The following SPIDR variants were observed in gnomAD, a reference collection of about 807,000 sequenced individuals.
SPIDR encodes scaffold protein involved in DNA repair, also known as DNA repair-scaffolding protein.
Under a neutral mutation model 104.6 loss-of-function variants are expected in SPIDR, and 93 were observed. The ratio of observed to expected loss-of-function variants is 0.89; its 90% confidence interval spans 0.75 to 1.06. The LOEUF (loss-of-function observed/expected upper bound fraction) is 1.06, where lower values mean the gene tolerates loss of function less well. SPIDR is among the 50% of genes least tolerant of loss of function. The pLI, the probability that SPIDR is intolerant of heterozygous loss-of-function variation, is 0.00. For synonymous variants in SPIDR, 431 were observed against 416.9 expected (o/e 1.03, Z -0.41); for missense variants, 1,154 against 1,111.2 (o/e 1.04, Z -0.55).
rs573810121 is a variant in SPIDR, at chr8:47,571,262, A to T, written c.1098-24549A>T. On this transcript the variant is annotated intron_variant, in intron 8 of 19. Coordinates refer to ENST00000297423, the MANE Select transcript of SPIDR (RefSeq NM_001080394.4). ...TATCTACAGTTAATGTATATTTGACATTTGCTGAGAGAGTGGATCTTAAGT... is the reference window on the plus strand; with the variant it reads ...TATCTACAGTTAATGTATATTTGACTTTTGCTGAGAGAGTGGATCTTAAGT... Among the ~76,000 whole-genome samples, 6 of 152,294 alleles carry T rather than the reference A, an allele frequency of 3.9e-5. No individual in the cohort carries two copies. The South Asian group carries it at 1.2e-3, about 32-fold the overall frequency.
intron 7 of SPIDR, among the ~76,000 whole-genome samples, chr8:47,429,137 T>C (rs2066914320): frequency 6.6e-6 from 1 of 152,222 alleles, no homozygotes; most frequent in Non-Finnish European, 1.5e-5. Flanking sequence ...TAATTTCCAG[T>C]GACCATTTTA....
intron 11 of SPIDR, among the ~76,000 whole-genome samples, chr8:47,692,985 G>T (rs779154058): frequency 1.3e-5 from 2 of 152,130 alleles, no homozygotes; most frequent in Non-Finnish European, 2.9e-5. Flanking sequence ...CAGAGCGATG[G>T]CCTCATTTTA....
chr8:47,392,100 T>C (rs1588100717), intron 5 of SPIDR, among the ~76,000 whole-genome samples: 1 of 151,680 alleles, frequency 6.6e-6, no homozygotes, highest in African/African-American at 2.4e-5. Flanking sequence ...CCAAACGACA[T>C]GTAAACTATA....
At chr8:47,602,832 A>G (rs547505408) in intron 10 of SPIDR, among the ~76,000 whole-genome samples, 1 of 152,342 alleles carries the variant, frequency 6.6e-6, no homozygotes, top group Admixed American at 6.5e-5. Flanking sequence ...GCACTGTGAA[A>G]CATTATCAGA....
At chr8:47,384,726 C>A (rs1371150420) in intron 5 of SPIDR, among the ~76,000 whole-genome samples, 2 of 152,206 alleles carry the variant, frequency 1.3e-5, no homozygotes, top group African/African-American at 4.8e-5. Flanking sequence ...CTCCTCCTCC[C>A]TCTCACCCTC....
At chr8:47,454,473 G>A (rs12678942) in intron 8 of SPIDR, among the ~76,000 whole-genome samples, 2 of 151,826 alleles carry the variant, frequency 1.3e-5, no homozygotes, top group Middle Eastern at 6.8e-3. Flanking sequence ...ACCAGGGCCT[G>A]TGGTGGGGTG....
At chr8:47,598,875 ATGTTGCTTGTTGTTAG>A in intron 9 of SPIDR, 55 bp from the exon 10 acceptor site, 1 of 1,585,590 alleles carries the variant, frequency 6.3e-7, no homozygotes, top group Non-Finnish European at 8.6e-7. Context: ...GGTGTGCAGC[ATGTTGCTTGTTGTTAG>A]CCGAACTGAA....
chr8:47,399,476 C>G (rs1239102168), intron 6 of SPIDR, among the ~76,000 whole-genome samples: 1 of 152,186 alleles, frequency 6.6e-6, no homozygotes, highest in Non-Finnish European at 1.5e-5. Context: ...CCTTCATTAG[C>G]TGACAGGGAG....
At chr8:47,660,774 G>C (rs143898867) in intron 10 of SPIDR, 1 of 198,962 alleles carries the variant, frequency 5.0e-6, no homozygotes, top group Non-Finnish European at 9.0e-6. Flanking sequence ...GCACCTTCCT[G>C]TGAGCCCCTT....
intron 8 of SPIDR, among the ~76,000 whole-genome samples, chr8:47,553,085 C>T (rs373234648): frequency 2.6e-5 from 4 of 152,250 alleles, no homozygotes; most frequent in East Asian, 3.9e-4. Context: ...TGTTGAATAT[C>T]GGCCCCCACT....
At chr8:47,457,992 A>G (rs1230972320) in intron 8 of SPIDR, among the ~76,000 whole-genome samples, 1 of 152,140 alleles carries the variant, frequency 6.6e-6, no homozygotes, top group African/African-American at 2.4e-5. Context: ...TTTGGTGGCT[A>G]TGGCCTTATA....
intron 10 of SPIDR, among the ~76,000 whole-genome samples, chr8:47,600,883 A>T (rs1341535733): frequency 6.6e-6 from 1 of 152,212 alleles, no homozygotes; most frequent in Admixed American, 6.5e-5. Flanking sequence ...GGGGAACTGA[A>T]TCACCCTGAC....
intron 8 of SPIDR, among the ~76,000 whole-genome samples, chr8:47,594,697 A>T (rs1313620629): frequency 2.6e-5 from 4 of 152,026 alleles, no homozygotes; most frequent in Non-Finnish European, 5.9e-5. Flanking sequence ...TATAAGAGGC[A>T]AAAAGAAAAC....
At chr8:47,329,655 T>G (rs2048325178) in intron 5 of SPIDR, among the ~76,000 whole-genome samples, 1 of 152,222 alleles carries the variant, frequency 6.6e-6, no homozygotes, top group Non-Finnish European at 1.5e-5. Context: ...TCTTCCTCCT[T>G]TTTATGCTAT....
chr8:47,702,330 C>T (rs1222432743), intron 14 of SPIDR, among the ~76,000 whole-genome samples: 1 of 152,110 alleles, frequency 6.6e-6, no homozygotes, highest in African/African-American at 2.4e-5. Flanking sequence ...AACCCTGTCC[C>T]CAAAGCTTCT....
intron 7 of SPIDR, among the ~76,000 whole-genome samples, chr8:47,413,032 A>G (rs2063753564): frequency 6.6e-6 from 1 of 152,166 alleles, no homozygotes; most frequent in South Asian, 2.1e-4. Flanking sequence ...AATTTCTTTC[A>G]ACTGGATATA....
At chr8:47,565,187 G>A (rs1223031681) in intron 8 of SPIDR, among the ~76,000 whole-genome samples, 2 of 152,084 alleles carry the variant, frequency 1.3e-5, no homozygotes, top group Admixed American at 6.6e-5. Flanking sequence ...CAGAGGTTGC[G>A]GTGAACCAAG....
chr8:47,699,267 T>G (rs1036354252), intron 11 of SPIDR, among the ~76,000 whole-genome samples: 4 of 152,220 alleles, frequency 2.6e-5, no homozygotes, highest in African/African-American at 9.6e-5. Flanking sequence ...CATACGTTCT[T>G]TACTTCCTTT....
chr8:47,447,548 G>C (rs2070895352), intron 8 of SPIDR, among the ~76,000 whole-genome samples: 1 of 152,154 alleles, frequency 6.6e-6, no homozygotes, highest in Non-Finnish European at 1.5e-5. Flanking sequence ...TATAATCCTG[G>C]TGAAGATGCT....
Sources: allele counts gnomAD v4.1 joint callset (sites outside exome capture counted in the v4.1 genomes callset), GRCh38; gene constraint gnomAD v4.1.1; transcripts MANE v1.5; gene names NCBI Gene and HGNC (gene_info 2026-07-23, HGNC 2026-07-21).